The following PRKG1 variants were observed in gnomAD, a reference collection of about 807,000 sequenced individuals.
The protein encoded by PRKG1 is cGMP-dependent protein kinase 1.
In PRKG1, 35 loss-of-function variants were observed where a neutral mutation model predicts 88.1. The ratio of observed to expected loss-of-function variants is 0.40; its 90% confidence interval spans 0.30 to 0.53. The LOEUF (loss-of-function observed/expected upper bound fraction) is 0.53. Ranked by LOEUF, PRKG1 falls within the 20% of genes least tolerant of loss-of-function variation. PRKG1 has a pLI of 0.59. For synonymous variants in PRKG1, 303 were observed against 292.5 expected, an observed-to-expected ratio of 1.04 and a Z score of -0.37; for missense variants, 540 against 839.8, an observed-to-expected ratio of 0.64 and a Z score of 4.41.
chr10:52,040,399 T>A (rs1199481657), intron 5 of PRKG1, among the ~76,000 whole-genome samples: 2 of 152,210 alleles, frequency 1.3e-5, no homozygotes, highest in Non-Finnish European at 2.9e-5. Flanking sequence ...CTGAAGCTAA[T>A]TGCCTTTGTA....
intron 3 of PRKG1, among the ~76,000 whole-genome samples, chr10:51,647,487 G>A (rs1384380838): frequency 6.6e-6 from 1 of 152,164 alleles, no homozygotes; most frequent in East Asian, 1.9e-4. Context: ...AAACAACTAA[G>A]CGAACTTGGC....
chr10:51,511,186 G>A (rs983468556), intron 3 of PRKG1, among the ~76,000 whole-genome samples: 1 of 151,982 alleles, frequency 6.6e-6, no homozygotes. Flanking sequence ...TAACATTTAC[G>A]ACATTCACTC....
chr10:51,280,055 G>T (rs1227701972), intron 2 of PRKG1, among the ~76,000 whole-genome samples: 5 of 152,102 alleles, frequency 3.3e-5, no homozygotes, highest in East Asian at 3.8e-4. Context: ...AGGAGCTCTT[G>T]TAGGGCAGGC....
intron 4 of PRKG1, among the ~76,000 whole-genome samples, chr10:51,824,394 G>A (rs187419593): frequency 1.7e-3 from 234 of 140,986 alleles, no homozygotes; most frequent in Non-Finnish European, 2.9e-3. Flanking sequence ...TGGAAATTTT[G>A]TTATTTTAAC....
chr10:51,774,711 A>G (rs114581520), intron 3 of PRKG1, among the ~76,000 whole-genome samples: 1,581 of 152,256 alleles, frequency 0.01, 39 homozygotes, highest in African/African-American at 0.036. Context: ...AAAAAATTGC[A>G]ATTGGCACAA....
intron 3 of PRKG1, among the ~76,000 whole-genome samples, chr10:51,709,742 A>G (rs928766396): frequency 6.6e-6 from 1 of 152,148 alleles, no homozygotes; most frequent in Admixed American, 6.5e-5. Flanking sequence ...AGGTCCCAGG[A>G]CTGGGTAATA....
At chr10:52,020,337 G>T (rs747463915) in intron 5 of PRKG1, among the ~76,000 whole-genome samples, 1 of 152,164 alleles carries the variant, frequency 6.6e-6, no homozygotes, top group Non-Finnish European at 1.5e-5. Context: ...CATGTCAAAA[G>T]TATTTGTTGA....
chr10:51,437,494 A>T (rs1434104930), intron 2 of PRKG1, among the ~76,000 whole-genome samples: 1 of 151,722 alleles, frequency 6.6e-6, no homozygotes, highest in Non-Finnish European at 1.5e-5. Flanking sequence ...ATCTTTCCAC[A>T]TATTTTACGT....
chr10:51,709,445 A>G (rs755895139), intron 3 of PRKG1, among the ~76,000 whole-genome samples: 13 of 152,240 alleles, frequency 8.5e-5, no homozygotes, highest in Non-Finnish European at 1.5e-4. Flanking sequence ...AGAGCAGTAC[A>G]ATGAGAAACT....
rs115441106 is a variant in PRKG1 at position 51,043,958 on chromosome 10, C to T, written c.266+52314C>T. On this transcript the variant is annotated intron_variant, in intron 1 of 17. Coordinates refer to the PRKG1 transcript ENST00000401604. ...AGCTAAACTTTTCTCTATACCAAAC[C>T]TTTATCCAAGTGCTTCACAGGTACT... Among the ~76,000 whole-genome samples, 243 of 152,246 alleles carry T rather than the reference C, an allele frequency of 1.6e-3. 2 individuals are homozygous for T. The highest frequency in any genetic ancestry group is 5.7e-3 in the African/African-American group (237 of 41,546).
intron 8 of PRKG1, among the ~76,000 whole-genome samples, chr10:52,148,635 G>A (rs999751841): frequency 6.6e-6 from 1 of 152,138 alleles, no homozygotes; most frequent in Non-Finnish European, 1.5e-5. Context: ...AGAAGAATCG[G>A]GAAAGTGGGG....
intron 9 of PRKG1, among the ~76,000 whole-genome samples, chr10:52,179,734 G>T (rs1200543619): frequency 2.0e-5 from 3 of 152,150 alleles, no homozygotes; most frequent in African/African-American, 7.2e-5. Context: ...TCTCACCTGG[G>T]CTGGAGTGCA....
intron 1 of PRKG1, among the ~76,000 whole-genome samples, chr10:51,104,234 C>G (rs1232501565): frequency 6.6e-6 from 1 of 152,090 alleles, no homozygotes; most frequent in African/African-American, 2.4e-5. Flanking sequence ...AAAAAATCAT[C>G]CCCCACAATT....
At position 51,198,293 on chromosome 10, in the gene PRKG1, A is replaced by T. The variant is rs144973769; in HGVS notation, c.478+44963A>T. Among the ~76,000 whole-genome samples, 91 of 152,264 alleles carry T rather than the reference A, an allele frequency of 6.0e-4. 3 individuals carry two copies. The East Asian group carries it at 0.016, about 27-fold the overall frequency. On this transcript the variant is annotated intron_variant, in intron 2 of 17. Transcript: ENST00000373980. ...ATAGAACTCCAGCAGCAGAGGTAGCATCTAGAGTGTATGGCTAGGAGGAGC... is the reference window on the plus strand; with the variant it reads ...ATAGAACTCCAGCAGCAGAGGTAGCTTCTAGAGTGTATGGCTAGGAGGAGC...
At chr10:51,684,777 G>T (rs1840943352) in intron 3 of PRKG1, among the ~76,000 whole-genome samples, 1 of 152,114 alleles carries the variant, frequency 6.6e-6, no homozygotes, top group Admixed American at 6.5e-5. Flanking sequence ...TGAGGTGGGA[G>T]GATCGCTTGA....
intron 2 of PRKG1, among the ~76,000 whole-genome samples, chr10:51,262,947 A>G (rs1839751039): frequency 6.6e-6 from 1 of 152,204 alleles, no homozygotes; most frequent in Non-Finnish European, 1.5e-5. Flanking sequence ...ACACAGAACT[A>G]AACTCTATCA....
chr10:51,409,349 G>A (rs1203528003), intron 2 of PRKG1, among the ~76,000 whole-genome samples: 1 of 152,132 alleles, frequency 6.6e-6, no homozygotes, highest in East Asian at 1.9e-4. Context: ...ACTTCTTCAT[G>A]TAACTTACTT....
At chr10:51,516,599 C>T (rs1458069670) in intron 3 of PRKG1, among the ~76,000 whole-genome samples, 1 of 152,132 alleles carries the variant, frequency 6.6e-6, no homozygotes, top group East Asian at 1.9e-4. Flanking sequence ...CACAGTGACA[C>T]TGCATTATGG....
chr10:51,687,403 CA>C (rs1841023133), intron 3 of PRKG1, among the ~76,000 whole-genome samples: 1 of 152,158 alleles, frequency 6.6e-6, no homozygotes, highest in Non-Finnish European at 1.5e-5. Context: ...AAATTGTTAG[CA>C]GCAGAATTCT....
Sources: gnomAD v4.1 joint callset for allele counts (sites outside exome capture counted in the v4.1 genomes callset) on GRCh38, gnomAD v4.1.1 for gene constraint, MANE v1.5 for transcripts, NCBI Gene and HGNC (gene_info 2026-07-23, HGNC 2026-07-21) for gene names.